ZNF385D: variants seen among roughly 807,000 people sequenced by gnomAD.
ZNF385D encodes zinc finger protein 659.
A neutral mutation model predicts 35.8 loss-of-function variants in ZNF385D; 15 were observed. That is an observed-to-expected ratio of 0.42 (90% CI 0.28 to 0.64). The LOEUF is 0.64. ZNF385D is among the 30% of genes least tolerant of loss of function. The pLI is 0.23. For missense variants in ZNF385D, 474 were observed against 494.6 expected (o/e 0.96, Z 0.39); for synonymous variants, 212 against 186.8 (o/e 1.13, Z -1.10).
rs182087627 is a variant in ZNF385D, at chr3:21,558,737, G to A, written c.276+5837C>T. ...GTCTCATTGATCTAATATTGATAGT[G>A]CACTGTTAAAGTCTCCCACTATTAT... On this transcript the variant is annotated intron_variant, in intron 3 of 7. Transcript: ENST00000281523. 3.2e-3 allele frequency among the ~76,000 whole-genome samples: 277 copies of A among 86,204 alleles called. 3 individuals are homozygous for A. The highest frequency in any genetic ancestry group is 0.018 in the African/African-American group (260 of 14,812). The allele number at this position is 86,204 out of a possible 152,430, so 56.6% of individuals were successfully genotyped here.
At chr3:21,470,928 G>A (rs576797906) in intron 4 of ZNF385D, among the ~76,000 whole-genome samples, 1 of 152,044 alleles carries the variant, frequency 6.6e-6, no homozygotes, top group Non-Finnish European at 1.5e-5. Flanking sequence ...TGCCATTAGA[G>A]TCTGATAGTA....
intron 2 of ZNF385D, among the ~76,000 whole-genome samples, chr3:22,368,308 T>TA (rs1471586466): frequency 1.3e-5 from 2 of 152,226 alleles, no homozygotes; most frequent in Admixed American, 6.5e-5. Context: ...CTAGGCACAC[T>TA]ACTAGAAGTA....
intron 2 of ZNF385D, among the ~76,000 whole-genome samples, chr3:22,292,897 A>G (rs900712991): frequency 9.2e-5 from 14 of 152,080 alleles, no homozygotes; most frequent in African/African-American, 2.9e-4. Flanking sequence ...CAGATCTCCA[A>G]GAGAATGCAT....
chr3:22,361,857 T>C (rs1404469841), intron 2 of ZNF385D, among the ~76,000 whole-genome samples: 1 of 151,906 alleles, frequency 6.6e-6, no homozygotes, highest in African/African-American at 2.4e-5. Context: ...CCCACCTAAT[T>C]TGTGGGAAGA....
At chr3:22,327,798 T>A (rs535321293) in intron 2 of ZNF385D, among the ~76,000 whole-genome samples, 18 of 152,318 alleles carry the variant, frequency 1.2e-4, no homozygotes, top group African/African-American at 4.1e-4. Context: ...TTTATCGACT[T>A]TGTCCCTGTG....
chr3:21,756,986 TG>T (rs1295283944), intron 3 of ZNF385D, among the ~76,000 whole-genome samples: 1 of 152,160 alleles, frequency 6.6e-6, no homozygotes, highest in Non-Finnish European at 1.5e-5. Context: ...ATTAAATGCC[TG>T]GGGTCATTAT....
intron 3 of ZNF385D, among the ~76,000 whole-genome samples, chr3:22,144,070 T>C (rs1576395657): frequency 6.6e-6 from 1 of 152,314 alleles, no homozygotes; most frequent in East Asian, 1.9e-4. Flanking sequence ...GGGATATTTG[T>C]ATAATGTTTT....
At chr3:22,101,496 A>G (rs1701943410) in intron 3 of ZNF385D, among the ~76,000 whole-genome samples, 1 of 152,086 alleles carries the variant, frequency 6.6e-6, no homozygotes, top group African/African-American at 2.4e-5. Flanking sequence ...AGCAGATGTA[A>G]GGTTTAAACG....
intron 2 of ZNF385D, among the ~76,000 whole-genome samples, chr3:22,237,064 A>G (rs148300620): frequency 2.0e-5 from 3 of 152,304 alleles, no homozygotes; most frequent in East Asian, 1.9e-4. Context: ...TGAGTCATAT[A>G]GTAACTCTGC....
rs571710021 is a variant in ZNF385D at position 22,171,889 on chromosome 3, A to G, written c.107-2854T>C. ...AAGACTCGGTCTCAAAAAAAAAAAA[A>G]AAAAAAAAAAAAATTATAGATTTTG... On this transcript the variant is annotated intron_variant, in intron 2 of 5. Transcript: ENST00000494108. 4.0e-5 allele frequency among the ~76,000 whole-genome samples: 6 copies of G among 151,726 alleles called. No homozygotes were observed. The South Asian group carries it at 1.0e-3, about 26-fold the overall frequency.
At position 22,308,697 on chromosome 3, in the gene ZNF385D, A is replaced by T. The variant is rs1413408380; in HGVS notation, c.106+63753T>A. On this transcript the variant is annotated intron_variant, in intron 2 of 5. Coordinates refer to the ZNF385D transcript ENST00000494108. ...ATTTACTAAAAGGGGAACTCATGCC[A>T]GACTCAGAGTATTCTGAGAAAATAA... Among the ~76,000 whole-genome samples, 2 of 152,124 alleles carry T rather than the reference A, an allele frequency of 1.3e-5. 1 individual carries two copies. The highest frequency in any genetic ancestry group is 1.3e-4 in the Admixed American group (2 of 15,234).
At chr3:21,951,423 T>C (rs1702059500) in intron 3 of ZNF385D, among the ~76,000 whole-genome samples, 1 of 151,730 alleles carries the variant, frequency 6.6e-6, no homozygotes, top group African/African-American at 2.4e-5. Context: ...CTGAAGCTGC[T>C]TATCAGCTTA....
chr3:21,695,486 C>T (rs1575477778), intron 1 of ZNF385D, among the ~76,000 whole-genome samples: 2 of 152,084 alleles, frequency 1.3e-5, no homozygotes, highest in Admixed American at 1.3e-4. Flanking sequence ...AAGCAAGCAT[C>T]GCTGCAGGAT....
At chr3:21,768,274 T>C (rs181247172) in intron 3 of ZNF385D, among the ~76,000 whole-genome samples, 3 of 152,254 alleles carry the variant, frequency 2.0e-5, no homozygotes, top group Admixed American at 6.6e-5. Flanking sequence ...CATTACATTA[T>C]TATTAATCAT....
chr3:22,335,553 T>C (rs565223340), intron 2 of ZNF385D, among the ~76,000 whole-genome samples: 1 of 152,202 alleles, frequency 6.6e-6, no homozygotes, highest in Non-Finnish European at 1.5e-5. Flanking sequence ...TCCTATTGAA[T>C]ACCCTCTTAC....
chr3:21,687,131 G>C (rs750006125), intron 1 of ZNF385D, among the ~76,000 whole-genome samples: 2 of 152,126 alleles, frequency 1.3e-5, no homozygotes, highest in Non-Finnish European at 2.9e-5. Context: ...AGAGTAAGAG[G>C]TTATACAAAC....
chr3:22,103,747 C>G (rs1405624855), intron 3 of ZNF385D, among the ~76,000 whole-genome samples: 2 of 143,234 alleles, frequency 1.4e-5, no homozygotes, highest in African/African-American at 4.9e-5. Context: ...GTAGCACAAC[C>G]TCCTGGTTGT....
intron 3 of ZNF385D, among the ~76,000 whole-genome samples, chr3:22,008,360 C>CCTTTTTTTTTT (rs773952386): frequency 7.6e-6 from 1 of 131,938 alleles, no homozygotes; most frequent in Non-Finnish European, 1.6e-5. Context: ...CCATGATTTT[C>CCTTTTTTTTTT]TTTTTTTTTT....
chr3:21,984,476 A>G (rs997964699), intron 3 of ZNF385D, among the ~76,000 whole-genome samples: 1 of 134,158 alleles, frequency 7.5e-6, no homozygotes, highest in African/African-American at 3.0e-5. Context: ...AGATAGTTGT[A>G]GGTATACGGC....
Sources: allele counts gnomAD v4.1 joint callset (sites outside exome capture counted in the v4.1 genomes callset), GRCh38; gene constraint gnomAD v4.1.1; transcripts MANE v1.5; gene names NCBI Gene and HGNC (gene_info 2026-07-23, HGNC 2026-07-21).